The following APTX variants were observed in gnomAD, a reference collection of about 807,000 sequenced individuals.
APTX encodes aprataxin, also known as forkhead-associated domain histidine triad-like protein.
APTX carries 33 observed loss-of-function variants against 42.3 expected under a neutral mutation model. That is an observed-to-expected ratio of 0.78 (90% CI 0.59 to 1.04). The LOEUF is 1.04. Among genes scored for constraint, APTX ranks in the 50% least tolerant of loss-of-function variants. APTX has a pLI of 0.00. For missense variants in APTX, 421 were observed against 415.1 expected (o/e 1.01, Z -0.12); for synonymous variants, 130 against 146.7 (o/e 0.89, Z 0.82).
chr9:33,019,113 T>C (rs1838152918), intron 1 of APTX, among the ~76,000 whole-genome samples: 1 of 152,208 alleles, frequency 6.6e-6, no homozygotes, highest in Non-Finnish European at 1.5e-5. Flanking sequence ...AACTGTACCA[T>C]TTTAATGTAA....
At chr9:33,012,166 TTA>T (rs1486140190) in intron 1 of APTX, among the ~76,000 whole-genome samples, 1 of 152,196 alleles carries the variant, frequency 6.6e-6, no homozygotes, top group East Asian at 1.9e-4. Context: ...TGCTCCTAAA[TTA>T]TGAGGCCTGT....
chr9:33,022,554 T>C (rs990900847), intron 1 of APTX, among the ~76,000 whole-genome samples: 2 of 152,258 alleles, frequency 1.3e-5, no homozygotes, highest in Non-Finnish European at 2.9e-5. Flanking sequence ...GCATGAGTAC[T>C]CAAAGCTGTA....
intron 1 of APTX, among the ~76,000 whole-genome samples, chr9:33,016,880 C>A (rs1240400635): frequency 1.3e-5 from 2 of 152,200 alleles, no homozygotes; most frequent in African/African-American, 4.8e-5. Flanking sequence ...TTTTTCACAA[C>A]TATATGCCCA....
Position 33,011,090 on chromosome 9 carries a change from C to T in APTX, c.-5+13933G>A, listed in dbSNP as rs949822703. Reference sequence around the variant, plus strand: ...CCTGAGAGGCAGAGGTTGTAGTGAGCTGAGATCGTGCCACTGCACTACAGC... The same window carrying T: ...CCTGAGAGGCAGAGGTTGTAGTGAGTTGAGATCGTGCCACTGCACTACAGC... On this transcript the variant is annotated intron_variant, in intron 1 of 6. Transcript: ENST00000436040. 4.0e-5 allele frequency among the ~76,000 whole-genome samples: 6 copies of T among 151,056 alleles called. 1 individual carries two copies. The highest frequency in any genetic ancestry group is 4.0e-4 in the Admixed American group (6 of 15,146).
At chr9:33,001,658 G>T (rs1224943363), upstream of APTX, 1 of 1,608,112 alleles carries the variant, frequency 6.2e-7, no homozygotes, top group Non-Finnish European at 8.5e-7. Flanking sequence ...CGGCTGTATC[G>T]CGACCAGTGA....
rs1175046683 is a variant in APTX at position 32,973,003 on chromosome 9, G to A, written c.*495C>T. 2.2e-6 allele frequency: 1 copy of A among 454,118 alleles called. No homozygotes were observed. The highest frequency in any genetic ancestry group is 1.6e-5 in the South Asian group (1 of 64,482). The allele number at this position is 454,118 out of a possible 1,614,324, so 28.1% of individuals were successfully genotyped here. Reference sequence around the variant, plus strand: ...GGCATGGAAGGACTGGACAAACTAAGCCTCCCCATGAAGGAAGGGAAAAGA... The same window carrying A: ...GGCATGGAAGGACTGGACAAACTAAACCTCCCCATGAAGGAAGGGAAAAGA... On this transcript the variant is annotated 3_prime_UTR_variant, in exon 8 of 8. Coordinates refer to ENST00000379817, the MANE Select transcript of APTX (RefSeq NM_001195248.2).
At chr9:32,992,729 T>G (rs1464819926) in intron 1 of APTX, among the ~76,000 whole-genome samples, 1 of 152,224 alleles carries the variant, frequency 6.6e-6, no homozygotes, top group Non-Finnish European at 1.5e-5. Context: ...AACAGCTGTG[T>G]GTAGGCAGTC....
chr9:32,999,991 G>C (rs1368709454), intron 1 of APTX, among the ~76,000 whole-genome samples: 1 of 152,140 alleles, frequency 6.6e-6, no homozygotes, highest in Non-Finnish European at 1.5e-5. Context: ...AGGTAACAAA[G>C]AGTAGGTGTC....
At chr9:33,016,559 T>C (rs1373370265) in intron 1 of APTX, among the ~76,000 whole-genome samples, 1 of 152,194 alleles carries the variant, frequency 6.6e-6, no homozygotes, top group Non-Finnish European at 1.5e-5. Flanking sequence ...CCTCACGACT[T>C]CTTTCGGCTT....
chr9:32,982,086 T>C (rs147908422), intron 6 of APTX, among the ~76,000 whole-genome samples: 1 of 151,724 alleles, frequency 6.6e-6, no homozygotes, highest in Non-Finnish European at 1.5e-5. Flanking sequence ...TAATAAACCA[T>C]CTCAACATCA....
At chr9:33,008,275 T>C (rs556194856) in intron 1 of APTX, among the ~76,000 whole-genome samples, 41 of 151,526 alleles carry the variant, frequency 2.7e-4, no homozygotes, top group African/African-American at 9.9e-4. Flanking sequence ...GAAAATAACA[T>C]TGATTTTGGC....
intron 1 of APTX, among the ~76,000 whole-genome samples, chr9:33,023,269 G>C (rs972547592): frequency 4.1e-4 from 63 of 152,008 alleles, no homozygotes; most frequent in African/African-American, 1.5e-3. Flanking sequence ...TGTCAACCAG[G>C]CTGGAGTATA....
chr9:33,007,918 T>C (rs1837274926), intron 1 of APTX, among the ~76,000 whole-genome samples: 1 of 151,940 alleles, frequency 6.6e-6, no homozygotes, highest in Admixed American at 6.6e-5. Flanking sequence ...CCTCTGCTGG[T>C]TTCCTTCCCA....
chr9:33,011,726 G>A (rs17226860), intron 1 of APTX, among the ~76,000 whole-genome samples: 10,732 of 152,240 alleles, frequency 0.07, 513 homozygotes, highest in Non-Finnish European at 0.11. Flanking sequence ...GTGTCACGCA[G>A]TGGGGTCCAT....
At chr9:33,015,417 T>C (rs1343738513) in intron 1 of APTX, among the ~76,000 whole-genome samples, 1 of 152,196 alleles carries the variant, frequency 6.6e-6, no homozygotes, top group Admixed American at 6.5e-5. Context: ...TGGAGTGCAA[T>C]GGCGCGATCT....
chr9:33,013,259 A>G (rs1837663585), intron 1 of APTX, among the ~76,000 whole-genome samples: 1 of 152,196 alleles, frequency 6.6e-6, no homozygotes, highest in South Asian at 2.1e-4. Flanking sequence ...AGATACTATT[A>G]TTATCCACTT....
intron 1 of APTX, among the ~76,000 whole-genome samples, chr9:32,997,583 A>C (rs950952991): frequency 4.7e-5 from 7 of 150,096 alleles, no homozygotes; most frequent in African/African-American, 1.7e-4. Context: ...GAGGAGCAGG[A>C]GGTGGAGAAA....
intron 1 of APTX, chr9:33,024,952 C>T (rs1390489982): frequency 1.3e-5 from 2 of 152,576 alleles, no homozygotes; most frequent in Non-Finnish European, 2.9e-5. Flanking sequence ...TTCCCGCCCT[C>T]GCGGGCCCAG....
chr9:32,984,511 A>G (rs1430956997), intron 6 of APTX, 120 bp downstream of exon 6: 2 of 1,054,144 alleles, frequency 1.9e-6, no homozygotes, highest in Non-Finnish European at 2.9e-6. Context: ...CCTGCTTTGG[A>G]AAAACTCCAT....
Sources: allele counts gnomAD v4.1 joint callset (sites outside exome capture counted in the v4.1 genomes callset), GRCh38; gene constraint gnomAD v4.1.1; transcripts MANE v1.5; gene names NCBI Gene and HGNC (gene_info 2026-07-23, HGNC 2026-07-21).